RBFOX1: variants seen among roughly 807,000 people sequenced by gnomAD.
The protein encoded by RBFOX1 is RNA binding fox-1 homolog 1, also known as RNA binding protein fox-1 homolog 1.
A neutral mutation model predicts 57.7 loss-of-function variants in RBFOX1; 8 were observed. The observed-to-expected ratio is 0.14, with a 90% CI of 0.08 to 0.25. RBFOX1 has a LOEUF of 0.25. Among genes scored for constraint, RBFOX1 ranks in the 10% least tolerant of loss-of-function variants. The pLI is 1.00. For missense variants in RBFOX1, 611 were observed against 548.5 expected (o/e 1.11, Z -1.14); for synonymous variants, 326 against 222.4 (o/e 1.47, Z -4.15).
intron 6 of RBFOX1, among the ~76,000 whole-genome samples, chr16:7,583,782 A>G (rs1358912314): frequency 1.3e-5 from 2 of 152,112 alleles, no homozygotes; most frequent in Non-Finnish European, 2.9e-5. Context: ...AGAATTTTAG[A>G]CCAGCCTGCG....
chr16:6,467,306 G>A (rs912916211), intron 2 of RBFOX1, among the ~76,000 whole-genome samples: 1 of 151,762 alleles, frequency 6.6e-6, no homozygotes, highest in African/African-American at 2.4e-5. Flanking sequence ...CCATTAATAT[G>A]TATTATGTGG....
intron 4 of RBFOX1, among the ~76,000 whole-genome samples, chr16:7,379,729 C>G (rs1183530828): frequency 6.6e-6 from 1 of 151,886 alleles, no homozygotes; most frequent in African/African-American, 2.4e-5. Context: ...TTCCTTCCTT[C>G]CTTTCTGCCT....
intron 3 of RBFOX1, among the ~76,000 whole-genome samples, chr16:6,677,009 A>T (rs887479083): frequency 6.6e-6 from 1 of 152,026 alleles, no homozygotes; most frequent in Non-Finnish European, 1.5e-5. Flanking sequence ...GATCCAAAAG[A>T]CCAAAAGACT....
At chr16:7,575,840 C>A (rs928422919) in intron 5 of RBFOX1, among the ~76,000 whole-genome samples, 1 of 152,150 alleles carries the variant, frequency 6.6e-6, no homozygotes, top group Non-Finnish European at 1.5e-5. Context: ...GATCTCTAAC[C>A]CCAACATGCG....
At chr16:6,384,976 C>T (rs2092141213) in intron 2 of RBFOX1, among the ~76,000 whole-genome samples, 1 of 152,166 alleles carries the variant, frequency 6.6e-6, no homozygotes, top group Admixed American at 6.5e-5. Flanking sequence ...TAGCCATGTC[C>T]GAGTGGGTGT....
chr16:6,130,522 C>T (rs898494822), intron 1 of RBFOX1, among the ~76,000 whole-genome samples: 1 of 151,980 alleles, frequency 6.6e-6, no homozygotes, highest in South Asian at 2.1e-4. Context: ...TGAAAGACAA[C>T]CATAGAAATA....
At chr16:5,409,756 C>T (rs1420405380) in intron 1 of RBFOX1, among the ~76,000 whole-genome samples, 1 of 152,036 alleles carries the variant, frequency 6.6e-6, no homozygotes, top group Non-Finnish European at 1.5e-5. Flanking sequence ...TCTTAAAAAT[C>T]AACATGCAGG....
At chr16:7,366,108 G>A (rs915791036) in intron 4 of RBFOX1, among the ~76,000 whole-genome samples, 1 of 152,072 alleles carries the variant, frequency 6.6e-6, no homozygotes, top group African/African-American at 2.4e-5. Flanking sequence ...TGTAGAGCTG[G>A]GTCATGTGGC....
chr16:5,809,240 T>A (rs1461417499), intron 3 of RBFOX1, among the ~76,000 whole-genome samples: 2 of 152,142 alleles, frequency 1.3e-5, no homozygotes, highest in African/African-American at 4.8e-5. Context: ...ACCTAGGCAT[T>A]ACCATTCAGG....
intron 2 of RBFOX1, among the ~76,000 whole-genome samples, chr16:6,555,974 G>A (rs2097092569): frequency 6.6e-6 from 1 of 152,124 alleles, no homozygotes; most frequent in African/African-American, 2.4e-5. Flanking sequence ...GATGAAAGGG[G>A]TTCTTTATTG....
chr16:7,399,363 C>G (rs933970115), intron 4 of RBFOX1, among the ~76,000 whole-genome samples: 1 of 152,150 alleles, frequency 6.6e-6, no homozygotes, highest in Admixed American at 6.5e-5. Context: ...AGGAGAATTG[C>G]TTTAACCTGG....
intron 1 of RBFOX1, among the ~76,000 whole-genome samples, chr16:6,242,495 C>A (rs987312389): frequency 6.6e-6 from 1 of 151,774 alleles, no homozygotes; most frequent in Non-Finnish European, 1.5e-5. Context: ...TCCCAAATTG[C>A]TGGGAGTACA....
Position 7,653,849 on chromosome 16 carries a change from G to A in RBFOX1, c.792G>A (p.Ala264=), listed in dbSNP as rs745880431. The A allele has an allele frequency of 5.6e-6, 9 of 1,606,718 alleles. No individual in the cohort carries two copies. The highest frequency in any genetic ancestry group is 5.3e-5 in the African/African-American group (4 of 74,886). The change falls in exon 12 of 16, where the codon GCG becomes GCA. Residue 264 remains alanine, a synonymous_variant. Transcript: ENST00000550418. The part of the protein sequence containing the change: ...PGFPYPAATA[A]AAYRGAHLRG... ...TCCCGTATCCAGCAGCCACCGCCGC[G>A]GCCGCCTACCGAGGGGCGCACCTGC...
At chr16:6,209,731 T>C (rs2152846084) in intron 1 of RBFOX1, among the ~76,000 whole-genome samples, 1 of 152,292 alleles carries the variant, frequency 6.6e-6, no homozygotes, top group East Asian at 1.9e-4. Context: ...CACTGGATGA[T>C]TGAATTATTC....
chr16:7,651,912 G>A (rs79585542), intron 11 of RBFOX1, among the ~76,000 whole-genome samples: 2,475 of 152,152 alleles, frequency 0.016, 31 homozygotes, highest in Non-Finnish European at 0.021. Context: ...CAAGCGTAGT[G>A]AGTATGGTGA....
At chr16:7,473,509 G>A (rs1483782921) in intron 4 of RBFOX1, among the ~76,000 whole-genome samples, 1 of 147,922 alleles carries the variant, frequency 6.8e-6, no homozygotes, top group Non-Finnish European at 1.5e-5. Flanking sequence ...ATGTACATAT[G>A]TATTATATAT....
At chr16:7,348,586 A>G (rs1045640873) in intron 4 of RBFOX1, among the ~76,000 whole-genome samples, 3 of 152,196 alleles carry the variant, frequency 2.0e-5, no homozygotes, top group African/African-American at 7.2e-5. Flanking sequence ...TACTTTAGTC[A>G]GTTGGGAAAA....
chr16:7,443,145 T>C (rs2098782260), intron 4 of RBFOX1, among the ~76,000 whole-genome samples: 1 of 152,260 alleles, frequency 6.6e-6, no homozygotes, highest in Admixed American at 6.5e-5. Context: ...ATGTTTCTAA[T>C]GTTTCTAACA....
At chr16:7,401,736 TG>T (rs1241119965) in intron 4 of RBFOX1, among the ~76,000 whole-genome samples, 2 of 152,182 alleles carry the variant, frequency 1.3e-5, no homozygotes, top group Non-Finnish European at 2.9e-5. Context: ...GAAATGTATT[TG>T]AAAATATTAT....
Sources: allele counts gnomAD v4.1 joint callset (sites outside exome capture counted in the v4.1 genomes callset), GRCh38; gene constraint gnomAD v4.1.1; transcripts MANE v1.5; gene names NCBI Gene and HGNC (gene_info 2026-07-23, HGNC 2026-07-21).